MAGI2: variants seen among roughly 807,000 people sequenced by gnomAD.
MAGI2 encodes membrane-associated guanylate kinase, WW and PDZ domain-containing protein 2.
MAGI2 carries 35 observed loss-of-function variants against 133.3 expected under a neutral mutation model. The observed-to-expected ratio is 0.26, with a 90% confidence interval of 0.20 to 0.35. The LOEUF (loss-of-function observed/expected upper bound fraction) is 0.35. Among genes scored for constraint, MAGI2 ranks in the 10% least tolerant of loss-of-function variants. The pLI is 1.00. For synonymous variants in MAGI2, 729 were observed against 710.6 expected (o/e 1.03, Z -0.41); for missense variants, 1,636 against 1,863.4 (o/e 0.88, Z 2.25).
chr7:78,458,189 G>A (rs550439566), intron 6 of MAGI2, among the ~76,000 whole-genome samples: 14 of 151,716 alleles, frequency 9.2e-5, no homozygotes, highest in African/African-American at 2.9e-4. Context: ...CCAGCTGCTC[G>A]GGAGGCTGAG....
At chr7:78,682,004 C>A (rs1384788415) in intron 2 of MAGI2, among the ~76,000 whole-genome samples, 1 of 150,462 alleles carries the variant, frequency 6.6e-6, no homozygotes, top group Non-Finnish European at 1.5e-5. Flanking sequence ...TTTTTTTTAT[C>A]TCTGTAATCC....
intron 9 of MAGI2, among the ~76,000 whole-genome samples, chr7:78,323,716 C>T (rs1788253816): frequency 6.6e-6 from 1 of 152,076 alleles, no homozygotes; most frequent in Admixed American, 6.6e-5. Context: ...TCTTGTAATT[C>T]TAAAATTGTG....
chr7:79,104,068 C>T (rs1274612041), intron 1 of MAGI2, among the ~76,000 whole-genome samples: 1 of 152,046 alleles, frequency 6.6e-6, no homozygotes, highest in Non-Finnish European at 1.5e-5. Context: ...AAGCTGTGCA[C>T]TTAAGATTTT....
intron 10 of MAGI2, among the ~76,000 whole-genome samples, chr7:78,234,154 T>A (rs1252785378): frequency 6.6e-6 from 1 of 152,224 alleles, no homozygotes. Flanking sequence ...AAATGCAGTA[T>A]TAATCCCAAA....
At chr7:79,243,015 A>T (rs1489155274) in intron 1 of MAGI2, among the ~76,000 whole-genome samples, 1 of 152,158 alleles carries the variant, frequency 6.6e-6, no homozygotes, top group Non-Finnish European at 1.5e-5. Context: ...GAGGAGTTCA[A>T]GACCAGCCTA....
chr7:78,802,754 A>G (rs941569437), intron 2 of MAGI2, among the ~76,000 whole-genome samples: 8 of 152,156 alleles, frequency 5.3e-5, no homozygotes, highest in African/African-American at 1.9e-4. Context: ...AATCTCATGT[A>G]AAGTATGGAC....
intron 10 of MAGI2, among the ~76,000 whole-genome samples, chr7:78,248,201 A>C (rs936899350): frequency 2.6e-5 from 4 of 152,202 alleles, no homozygotes; most frequent in Non-Finnish European, 1.5e-5. Flanking sequence ...TTTCCTGAAC[A>C]AGCAAAAGTT....
intron 2 of MAGI2, among the ~76,000 whole-genome samples, chr7:78,807,126 ACAGT>A (rs1210112479): frequency 6.6e-6 from 1 of 151,950 alleles, no homozygotes; most frequent in East Asian, 1.9e-4. Context: ...CAATCCAGAG[ACAGT>A]CAGCTATACC....
rs150192443 is a variant in MAGI2 at position 78,664,456 on chromosome 7, T to G, written c.419-37217A>C. On this transcript the variant is annotated intron_variant, in intron 2 of 21. Coordinates refer to ENST00000354212, the MANE Select transcript of MAGI2 (RefSeq NM_012301.4). ...TGGCAGTCATAACTTCCATTTTCGT[T>G]GATTATGTATCTTTTTTTAGATCTT... Among the ~76,000 whole-genome samples, 350 of 152,210 alleles carry G rather than the reference T, an allele frequency of 2.3e-3. 2 individuals carry two copies. Among genetic ancestry groups the G allele is most frequent in the African/African-American group, 8.1e-3 (335 of 41,552 alleles).
chr7:78,993,892 G>A (rs1806029740), intron 2 of MAGI2, among the ~76,000 whole-genome samples: 1 of 151,962 alleles, frequency 6.6e-6, no homozygotes, highest in African/African-American at 2.4e-5. Context: ...TTGGCTGCAC[G>A]CTCAATGAAT....
chr7:78,100,293 G>A (rs1389195713), intron 20 of MAGI2, among the ~76,000 whole-genome samples: 1 of 152,144 alleles, frequency 6.6e-6, no homozygotes, highest in Non-Finnish European at 1.5e-5. Context: ...AGCACAATCT[G>A]AATCATACAA....
chr7:79,380,102 C>A (rs981061649), intron 1 of MAGI2, among the ~76,000 whole-genome samples: 1 of 151,798 alleles, frequency 6.6e-6, no homozygotes, highest in Non-Finnish European at 1.5e-5. Context: ...GACTTCATGT[C>A]TAAGACACCA....
chr7:79,025,896 G>A (rs993310415), intron 1 of MAGI2, among the ~76,000 whole-genome samples: 4 of 152,162 alleles, frequency 2.6e-5, no homozygotes, highest in Admixed American at 6.5e-5. Flanking sequence ...AGTATATGAG[G>A]AAGTAGTATC....
In MAGI2 at chr7:79,360,732, T is replaced by A. The variant is rs114717256; in HGVS notation, c.301+92288A>T. 2.7e-3 allele frequency among the ~76,000 whole-genome samples: 405 copies of A among 152,050 alleles called. 2 individuals carry two copies. Among genetic ancestry groups the A allele is most frequent in the African/African-American group, 9.6e-3 (396 of 41,458 alleles). ...GAGATCAACTCAAAAATGCTATAAA[T>A]AAATTGAGATTATATCCTTAAAATT... On this transcript the variant is annotated intron_variant, in intron 1 of 21. Transcript: ENST00000354212.
At chr7:79,144,367 A>G (rs183879663) in intron 1 of MAGI2, among the ~76,000 whole-genome samples, 61 of 152,258 alleles carry the variant, frequency 4.0e-4, no homozygotes, top group Non-Finnish European at 7.8e-4. Context: ...TGCTGTTCTC[A>G]TAATAGTGAG....
chr7:78,616,141 C>T lies in MAGI2; in HGVS notation c.538+10979G>A, dbSNP rs1807059444. On this transcript the variant is annotated intron_variant, in intron 3 of 21. Transcript: ENST00000354212. ...CAAGTCCCACATGTCCACATATTTA[C>T]AAAGCCTTTACATTTCTTTAATGAG... 2.0e-5 allele frequency: 3 copies of T among 152,214 alleles called. 1 individual carries two copies. Among genetic ancestry groups the T allele is most frequent in the Admixed American group, 1.3e-4 (2 of 15,282 alleles). The allele number at this position is 152,214 out of a possible 1,614,324, so 9.4% of individuals were successfully genotyped here. A position where few individuals can be genotyped will look rare whatever the true frequency, so the allele number is the denominator to read the frequency against.
At chr7:78,724,598 T>C (rs1009755407) in intron 2 of MAGI2, among the ~76,000 whole-genome samples, 2 of 152,148 alleles carry the variant, frequency 1.3e-5, no homozygotes, top group African/African-American at 2.4e-5. Flanking sequence ...CTTAGTTCTA[T>C]TGCTCCTGTT....
At chr7:78,473,254 G>C (rs571826711) in intron 6 of MAGI2, among the ~76,000 whole-genome samples, 10 of 152,032 alleles carry the variant, frequency 6.6e-5, no homozygotes, top group Non-Finnish European at 1.5e-4. Flanking sequence ...TGACCTGCAA[G>C]CTTCTTGGCT....
chr7:78,237,820 C>G (rs1433090170), intron 10 of MAGI2, among the ~76,000 whole-genome samples: 2 of 152,144 alleles, frequency 1.3e-5, no homozygotes, highest in East Asian at 3.8e-4. Context: ...AATAAATGTA[C>G]TCTACCAATT....
Sources: allele counts gnomAD v4.1 joint callset (sites outside exome capture counted in the v4.1 genomes callset), GRCh38; gene constraint gnomAD v4.1.1; transcripts MANE v1.5; gene names NCBI Gene and HGNC (gene_info 2026-07-23, HGNC 2026-07-21).